Variants in OOEP observed in about 807,000 individuals in gnomAD.
OOEP encodes oocyte expressed protein.
Under a neutral mutation model 13.7 loss-of-function variants are expected in OOEP, and 16 were observed. The observed-to-expected ratio is 1.16, with a 90% CI of 0.79 to 1.77. The LOEUF (loss-of-function observed/expected upper bound fraction) is 1.77. Among genes scored for constraint, OOEP ranks in the 40% most tolerant of loss-of-function variants. The pLI, the probability that OOEP is intolerant of heterozygous loss-of-function variation, is 0.00. For missense variants in OOEP, 195 were observed against 193.1 expected, an observed-to-expected ratio of 1.01 and a Z score of -0.06; for synonymous variants, 89 against 77.1, an observed-to-expected ratio of 1.15 and a Z score of -0.81.
upstream of OOEP, among the ~76,000 whole-genome samples, chr6:73,370,990 A>G (rs963738925): frequency 1.3e-5 from 2 of 152,048 alleles, no homozygotes; most frequent in African/African-American, 4.8e-5. Context: ...GTCTGTTTGT[A>G]GAGACAGGGT....
At chr6:73,393,265 T>G (rs547325722) in intron 2 of OOEP, among the ~76,000 whole-genome samples, 1 of 152,146 alleles carries the variant, frequency 6.6e-6, no homozygotes, top group South Asian at 2.1e-4. Context: ...CTACAGCCTG[T>G]ACCACCACAC....
rs983499644 is a variant in OOEP at position 73,369,290 on chromosome 6, C to T, written c.286G>A (p.Val96Ile). ...TTCTGTACACGGGGCCGCCCGAAAA[C>T]GGTGATTTCGACTAGGTTCCCTGAG... ...VDSGNLVEIT[V>I]FGRPRVQNRV... The change falls in exon 2 of 3, where the codon GTT (valine) becomes ATT (isoleucine). Residue 96 changes from valine to isoleucine, a missense_variant. Physicochemically the swap from Val to Ile is conservative, Grantham distance 29. Transcript: ENST00000370359. 3.1e-6 allele frequency: 5 copies of T among 1,613,814 alleles called. No homozygotes were observed. The highest frequency in any genetic ancestry group is 4.2e-6 in the Non-Finnish European group (5 of 1,179,888).
chr6:73,385,042 C>G (rs1320397797), intron 2 of OOEP, among the ~76,000 whole-genome samples: 1 of 150,184 alleles, frequency 6.7e-6, no homozygotes, highest in Non-Finnish European at 1.5e-5. Context: ...AGCCTCAAAC[C>G]TGTCTTAAAA....
chr6:73,374,276 C>T (rs184625131), upstream of OOEP, among the ~76,000 whole-genome samples: 1 of 152,196 alleles, frequency 6.6e-6, no homozygotes, highest in African/African-American at 2.4e-5. Context: ...CTATGAAAGT[C>T]GTAATGCCTG....
chr6:73,372,974 A>G, upstream of OOEP: 1 of 721,694 alleles, frequency 1.4e-6, no homozygotes, highest in South Asian at 1.7e-5. Flanking sequence ...CAGCCAACCA[A>G]CGTGTTCATA....
intron 2 of OOEP, among the ~76,000 whole-genome samples, chr6:73,377,790 C>T (rs1383194226): frequency 6.6e-6 from 1 of 152,158 alleles, no homozygotes; most frequent in Non-Finnish European, 1.5e-5. Flanking sequence ...GCCTCAGTCT[C>T]CTGAGGAGCT....
At chr6:73,380,644 A>G (rs1769193666) in intron 2 of OOEP, among the ~76,000 whole-genome samples, 1 of 152,182 alleles carries the variant, frequency 6.6e-6, no homozygotes, top group African/African-American at 2.4e-5. Context: ...TATTACTTTG[A>G]AATTTTCTTG....
intron 2 of OOEP, among the ~76,000 whole-genome samples, chr6:73,383,377 T>C (rs747844442): frequency 6.6e-5 from 10 of 152,170 alleles, no homozygotes; most frequent in Non-Finnish European, 1.5e-4. Flanking sequence ...GCCAGCACTT[T>C]GTAATCCCAG....
intron 2 of OOEP, among the ~76,000 whole-genome samples, 164 bp from the exon 3 acceptor site, chr6:73,369,027 G>T (rs1342018109): frequency 6.6e-6 from 1 of 152,202 alleles, no homozygotes; most frequent in Non-Finnish European, 1.5e-5. Flanking sequence ...TCAGATCTCT[G>T]CTGACTTTCC....
chr6:73,386,760 G>A (rs1769277404), intron 2 of OOEP, among the ~76,000 whole-genome samples: 2 of 151,870 alleles, frequency 1.3e-5, no homozygotes, highest in Non-Finnish European at 2.9e-5. Flanking sequence ...GAGGTCATGA[G>A]TTCAGGACCA....
Position 73,375,032 on chromosome 6 carries a change from G to A in OOEP, c.26-5647C>T, listed in dbSNP as rs186825602. Reference sequence around the variant, plus strand: ...AGTAGAGACGGGGTTTCGCCATGTTGGCCAGGCTGGTCTCAAACTCCTGAC... The same window carrying A: ...AGTAGAGACGGGGTTTCGCCATGTTAGCCAGGCTGGTCTCAAACTCCTGAC... On this transcript the variant is annotated intron_variant, in intron 2 of 3. Coordinates refer to the OOEP transcript ENST00000370363. Among the ~76,000 whole-genome samples, 149 of 152,146 alleles carry A rather than the reference G, an allele frequency of 9.8e-4. 1 individual carries two copies. The highest frequency in any genetic ancestry group is 3.4e-3 in the African/African-American group (141 of 41,510).
chr6:73,379,573 A>G (rs1188336286), intron 2 of OOEP, among the ~76,000 whole-genome samples: 15 of 132,776 alleles, frequency 1.1e-4, no homozygotes, highest in Non-Finnish European at 2.3e-4. Flanking sequence ...CAGGAGGTGG[A>G]GGTTGCAGTG....
Position 73,369,883 on chromosome 6 carries a change from T to C in OOEP, c.-91A>G. 1 of 1,227,308 alleles carries C rather than the reference T, an allele frequency of 8.1e-7. No homozygotes were observed. Among genetic ancestry groups the C allele is most frequent in the Non-Finnish European group, 1.2e-6 (1 of 864,174 alleles). The allele number at this position is 1,227,308 out of a possible 1,614,324, so 76.0% of individuals were successfully genotyped here. On this transcript the variant is annotated 5_prime_UTR_variant, in exon 1 of 3. It adds an upstream start codon to the 5' untranslated region. Transcript: ENST00000370359. Reference sequence around the variant, plus strand: ...GCGAAGCTCGGGCTCTCTTTTACCATATTCGACCCGCTCCGCCCCTTCCGG... The same window carrying C: ...GCGAAGCTCGGGCTCTCTTTTACCACATTCGACCCGCTCCGCCCCTTCCGG...
chr6:73,390,794 G>T (rs1769337892), intron 2 of OOEP, among the ~76,000 whole-genome samples: 1 of 150,350 alleles, frequency 6.7e-6, no homozygotes, highest in South Asian at 2.1e-4. Flanking sequence ...AGAGAGGGGG[G>T]TATCGCCATG....
upstream of OOEP, among the ~76,000 whole-genome samples, chr6:73,374,221 A>AT (rs1430657756): frequency 1.3e-5 from 2 of 152,024 alleles, no homozygotes; most frequent in Non-Finnish European, 2.9e-5. Context: ...AATTTTATGT[A>AT]TTTTTTTAAT....
upstream of OOEP, among the ~76,000 whole-genome samples, chr6:73,372,208 T>G (rs778602475): frequency 1.3e-4 from 20 of 152,136 alleles, no homozygotes; most frequent in Admixed American, 3.9e-4. Context: ...TTTAACAGCT[T>G]CTTTAGGGGG....
intron 2 of OOEP, among the ~76,000 whole-genome samples, chr6:73,379,482 A>C (rs1392484763): frequency 6.6e-6 from 1 of 151,478 alleles, no homozygotes; most frequent in Admixed American, 6.6e-5. Context: ...AGTCTCTACT[A>C]AAAATACAAA....
intron 1 of OOEP, chr6:73,394,525 G>A (rs1318986491): frequency 6.8e-6 from 4 of 592,176 alleles, no homozygotes. Context: ...CCAAGGCACT[G>A]AGATGCCAGG....
chr6:73,370,850 C>T (rs1334818075), upstream of OOEP, among the ~76,000 whole-genome samples: 2 of 152,186 alleles, frequency 1.3e-5, no homozygotes, highest in Non-Finnish European at 2.9e-5. Context: ...GGCACGATCT[C>T]GGTTCACTGA....
Sources: allele counts gnomAD v4.1 joint callset (sites outside exome capture counted in the v4.1 genomes callset), GRCh38; gene constraint gnomAD v4.1.1; transcripts MANE v1.5; gene names NCBI Gene and HGNC (gene_info 2026-07-23, HGNC 2026-07-21).